The following DPP6 variants were observed in gnomAD, a reference collection of about 807,000 sequenced individuals.
DPP6 encodes dipeptidyl peptidase like 6.
In DPP6, 69 loss-of-function variants were observed where a neutral mutation model predicts 122.6. The ratio of observed to expected loss-of-function variants is 0.56; its 90% CI spans 0.46 to 0.69. The LOEUF is 0.69. DPP6 is among the 30% of genes least tolerant of loss of function. The pLI is 0.00. For missense variants in DPP6, 928 were observed against 1,116.9 expected, an observed-to-expected ratio of 0.83 and a Z score of 2.41; for synonymous variants, 418 against 433.1, an observed-to-expected ratio of 0.97 and a Z score of 0.43.
chr7:154,351,530 C>CCACCTG (rs574135579), intron 1 of DPP6, among the ~76,000 whole-genome samples: 77 of 152,284 alleles, frequency 5.1e-4, no homozygotes, highest in Middle Eastern at 3.4e-3. Flanking sequence ...GTCAGCACCC[C>CCACCTG]CACCTGCACC....
At chr7:154,503,541 C>T (rs1296435843) in intron 3 of DPP6, among the ~76,000 whole-genome samples, 2 of 152,220 alleles carry the variant, frequency 1.3e-5, no homozygotes, top group African/African-American at 4.8e-5. Context: ...TTAAAGAATA[C>T]AACTTTTGCT....
chr7:154,290,293 T>C (rs1179546305), intron 1 of DPP6, among the ~76,000 whole-genome samples: 1 of 152,222 alleles, frequency 6.6e-6, no homozygotes, highest in East Asian at 1.9e-4. Flanking sequence ...TCATCTCTAA[T>C]GTTTTACTTC....
In DPP6 at chr7:154,867,196, G is replaced by C. The variant is rs981556982; in HGVS notation, c.1715-799G>C. Among the ~76,000 whole-genome samples, 9 of 152,312 alleles carry C rather than the reference G, an allele frequency of 5.9e-5. No individual in the cohort carries two copies. In the South Asian group the frequency reaches 1.2e-3, roughly 21 times the overall value. ...CATGTGTAGGCTTAGTGTGAGAAGG[G>C]AGAAAGGAAGTTGGGTGGTTTTTAT... On this transcript the variant is annotated intron_variant, in intron 17 of 25. Coordinates refer to ENST00000377770, the MANE Select transcript of DPP6 (RefSeq NM_130797.4).
chr7:153,760,759 C>A, the DPP6 span, among the ~76,000 whole-genome samples: 1 of 152,126 alleles, frequency 6.6e-6, no homozygotes, highest in African/African-American at 2.4e-5. Context: ...TGAGCACGTA[C>A]TATTTTCTGT....
intron 7 of DPP6, 109 bp from the exon 8 acceptor site, chr7:154,727,658 A>G (rs1490554150): frequency 1.4e-6 from 2 of 1,421,164 alleles, no homozygotes; most frequent in East Asian, 2.5e-5. Context: ...TGTCTAATAA[A>G]TACAACAGGA....
chr7:154,721,015 C>T lies in DPP6; in HGVS notation c.763-6752C>T, dbSNP rs1003490786. Among the ~76,000 whole-genome samples the T allele has an allele frequency of 4.0e-4, 61 of 152,214 alleles. 1 individual carries two copies. The highest frequency in any genetic ancestry group is 4.4e-4 in the Non-Finnish European group (30 of 68,040). On this transcript the variant is annotated intron_variant, in intron 7 of 25. Coordinates refer to ENST00000377770, the MANE Select transcript of DPP6 (RefSeq NM_130797.4). The stretch of plus-strand genomic sequence containing the variant: ...TGACAATGACAGGGAGGCATCCTTC[C>T]GTCCCCACCTGGTTCTTCTGTATGG...
chr7:154,282,737 T>TA lies in DPP6; in HGVS notation c.244-163475dup, dbSNP rs1204717667. Among the ~76,000 whole-genome samples the TA allele has an allele frequency of 1.3e-5, 2 of 152,304 alleles. No individual in the cohort carries two copies. Among genetic ancestry groups the TA allele is most frequent in the African/African-American group, 4.8e-5 (2 of 41,574 alleles). On this transcript the variant is annotated intron_variant, in intron 1 of 25. Coordinates refer to ENST00000377770, the MANE Select transcript of DPP6 (RefSeq NM_130797.4). The surrounding 1 kb of genome is among the most constrained non-coding windows in gnomAD (Gnocchi z 4.8). ...CCATTGTTCTCCCAGACTTTCAGTATAACAAACAAATTTAAAAAAAGTATG... is the reference window on the plus strand; with the variant it reads ...CCATTGTTCTCCCAGACTTTCAGTATAAACAAACAAATTTAAAAAAAGTATG...
At chr7:154,267,169 C>T (rs1197636500) in intron 1 of DPP6, among the ~76,000 whole-genome samples, 1 of 151,828 alleles carries the variant, frequency 6.6e-6, no homozygotes, top group Non-Finnish European at 1.5e-5. Context: ...AAAACAATGC[C>T]ACTCTGCTCA....
intron 8 of DPP6, among the ~76,000 whole-genome samples, chr7:154,729,880 T>A (rs1185203593): frequency 6.6e-6 from 1 of 152,182 alleles, no homozygotes; most frequent in Non-Finnish European, 1.5e-5. Context: ...GCCACTGGAA[T>A]GAAAGAGGGG....
chr7:154,590,131 G>T (rs1832715814), intron 5 of DPP6, among the ~76,000 whole-genome samples: 1 of 152,012 alleles, frequency 6.6e-6, no homozygotes, highest in Non-Finnish European at 1.5e-5. Flanking sequence ...TTGCTCTCGG[G>T]TACCACTAGT....
At chr7:154,529,335 TCACTAACAA>T (rs917860728) in intron 3 of DPP6, among the ~76,000 whole-genome samples, 4 of 152,128 alleles carry the variant, frequency 2.6e-5, no homozygotes, top group East Asian at 1.9e-4. Flanking sequence ...TTAAACATCT[TCACTAACAA>T]CACTAACAAC....
At chr7:154,793,778 C>T in intron 10 of DPP6, 1 of 265,400 alleles carries the variant, frequency 3.8e-6, no homozygotes, top group South Asian at 7.8e-5. Flanking sequence ...GAGACGAGAC[C>T]TCAAAACCCA....
At chr7:154,425,150 G>A (rs1364017609) in intron 1 of DPP6, among the ~76,000 whole-genome samples, 1 of 152,148 alleles carries the variant, frequency 6.6e-6, no homozygotes, top group Non-Finnish European at 1.5e-5. Context: ...CTGGAAAGGA[G>A]GTATTGAGTC....
intron 6 of DPP6, among the ~76,000 whole-genome samples, chr7:154,650,302 A>G (rs936996): frequency 0.99 from 150,901 of 151,790 alleles, 75,015 homozygotes; most frequent in East Asian, 1. Flanking sequence ...TCCAGCCTGG[A>G]CAACAAAGCA....
intron 6 of DPP6, among the ~76,000 whole-genome samples, chr7:154,640,412 C>T (rs1353794360): frequency 1.3e-5 from 2 of 152,096 alleles, no homozygotes; most frequent in Non-Finnish European, 2.9e-5. Flanking sequence ...TGGAAAACAA[C>T]CTCTGGGGGT....
chr7:154,778,801 C>T (rs1213341866), intron 10 of DPP6, among the ~76,000 whole-genome samples: 1 of 150,986 alleles, frequency 6.6e-6, no homozygotes, highest in Non-Finnish European at 1.5e-5. Flanking sequence ...CTGTCACCTC[C>T]ACAACCTCTA....
At chr7:154,120,173 T>C (rs71532640) in intron 1 of DPP6, among the ~76,000 whole-genome samples, 1 of 152,204 alleles carries the variant, frequency 6.6e-6, no homozygotes, top group African/African-American at 2.4e-5. Context: ...TTTTTTTTTA[T>C]TTTTATCACT....
chr7:154,808,750 C>T (rs7801890), intron 16 of DPP6, among the ~76,000 whole-genome samples: 1 of 152,180 alleles, frequency 6.6e-6, no homozygotes, highest in Non-Finnish European at 1.5e-5. Context: ...ATGTGGCAAG[C>T]AGACCCACTA....
At chr7:154,830,533 G>A (rs1456277769) in intron 16 of DPP6, among the ~76,000 whole-genome samples, 2 of 152,258 alleles carry the variant, frequency 1.3e-5, no homozygotes, top group African/African-American at 4.8e-5. Flanking sequence ...CAATTTGACT[G>A]TCCAGTGGAA....
Sources: allele counts gnomAD v4.1 joint callset (sites outside exome capture counted in the v4.1 genomes callset), GRCh38; gene constraint gnomAD v4.1.1; non-coding constraint Gnocchi (gnomAD v3.1); transcripts MANE v1.5; gene names NCBI Gene and HGNC (gene_info 2026-07-23, HGNC 2026-07-21).